The following SPESP1 variants were observed in gnomAD, a reference collection of about 807,000 sequenced individuals.
The protein encoded by SPESP1 is sperm equatorial segment protein 1, also known as equatorial segment protein.
SPESP1 carries 1 observed loss-of-function variant against 3.1 expected under a neutral mutation model. The ratio of observed to expected loss-of-function variants is 0.33; its 90% confidence interval spans 0.12 to 1.54. The LOEUF is 1.54. Ranked by LOEUF, SPESP1 falls within the 40% of genes most tolerant of loss-of-function variation. SPESP1 has a pLI of 0.38. For synonymous variants in SPESP1, 138 were observed against 150.7 expected (o/e 0.92, Z 0.62); for missense variants, 398 against 410.1 (o/e 0.97, Z 0.26).
intron 1 of SPESP1, among the ~76,000 whole-genome samples, chr15:68,938,253 C>T (rs1034232226): frequency 6.6e-6 from 1 of 152,172 alleles, no homozygotes; most frequent in African/African-American, 2.4e-5. Flanking sequence ...CAGGCGTGGG[C>T]CACCAAGCGC....
chr15:68,930,649 C>T lies in SPESP1; in HGVS notation c.-5C>T, dbSNP rs748683191. 6.2e-7 allele frequency: 1 copy of T among 1,613,882 alleles called. No individual in the cohort carries two copies. Among genetic ancestry groups the T allele is most frequent in the Middle Eastern group, 1.7e-4 (1 of 6,058 alleles). On this transcript the variant is annotated 5_prime_UTR_variant, in exon 1 of 2. In the 5' UTR this introduces an upstream ATG that the reference lacks. Coordinates refer to ENST00000310673, the MANE Select transcript of SPESP1 (RefSeq NM_145658.4). ...TCGCATGGCAGAGTGCTACGGACGACGCCTATGAAGCCCTTAGTCCTTCTA... is the reference window on the plus strand; with the variant it reads ...TCGCATGGCAGAGTGCTACGGACGATGCCTATGAAGCCCTTAGTCCTTCTA...
At chr15:68,933,929 A>G (rs1361996974) in intron 1 of SPESP1, among the ~76,000 whole-genome samples, 1 of 151,550 alleles carries the variant, frequency 6.6e-6, no homozygotes, top group East Asian at 1.9e-4. Context: ...AATAATATCA[A>G]CTACTATTAA....
At chr15:68,933,586 C>T (rs894759404) in intron 1 of SPESP1, among the ~76,000 whole-genome samples, 3 of 151,350 alleles carry the variant, frequency 2.0e-5, no homozygotes, top group Non-Finnish European at 2.9e-5. Flanking sequence ...AGGCCGGGCA[C>T]GGTGTCTTAC....
intron 1 of SPESP1, among the ~76,000 whole-genome samples, chr15:68,939,510 G>A (rs1895763840): frequency 6.6e-6 from 1 of 152,188 alleles, no homozygotes; most frequent in African/African-American, 2.4e-5. Flanking sequence ...TTTTTATAAA[G>A]ATCAAATTGA....
chr15:68,943,132 T>G (rs1895871700), intron 1 of SPESP1, among the ~76,000 whole-genome samples: 1 of 151,592 alleles, frequency 6.6e-6, no homozygotes, highest in African/African-American at 2.4e-5. Flanking sequence ...AACATTATAG[T>G]TAAAGTCTAA....
intron 1 of SPESP1, among the ~76,000 whole-genome samples, chr15:68,942,652 T>C (rs1323126479): frequency 6.6e-6 from 1 of 152,190 alleles, no homozygotes; most frequent in Non-Finnish European, 1.5e-5. Flanking sequence ...AGCAGTTACC[T>C]TTATAAAGAA....
chr15:68,943,268 A>G (rs1242184776), intron 1 of SPESP1, among the ~76,000 whole-genome samples: 2 of 152,214 alleles, frequency 1.3e-5, no homozygotes, highest in Non-Finnish European at 2.9e-5. Flanking sequence ...AATATATGAT[A>G]CTATGTGAGT....
At chr15:68,937,040 T>A (rs1385569841) in intron 1 of SPESP1, among the ~76,000 whole-genome samples, 5 of 152,204 alleles carry the variant, frequency 3.3e-5, no homozygotes, top group African/African-American at 1.2e-4. Context: ...ATTTTCTCTG[T>A]AATAATTATT....
chr15:68,935,772 TTA>T, intron 1 of SPESP1, among the ~76,000 whole-genome samples: 1 of 152,246 alleles, frequency 6.6e-6, no homozygotes, highest in East Asian at 1.9e-4. Context: ...TAATAATAAA[TTA>T]TAAGAAAATT....
chr15:68,938,368 G>A (rs1056829996), intron 1 of SPESP1, among the ~76,000 whole-genome samples: 2 of 151,852 alleles, frequency 1.3e-5, no homozygotes, highest in Non-Finnish European at 2.9e-5. Context: ...CTGTGTGAAC[G>A]GGATGTATTT....
At chr15:68,942,150 T>G (rs780299169) in intron 1 of SPESP1, among the ~76,000 whole-genome samples, 2 of 151,524 alleles carry the variant, frequency 1.3e-5, no homozygotes, top group African/African-American at 2.4e-5. Flanking sequence ...TTTTCTGTTA[T>G]GTAAACAACA....
intron 1 of SPESP1, among the ~76,000 whole-genome samples, chr15:68,931,545 G>A (rs1345441250): frequency 1.3e-5 from 2 of 152,192 alleles, no homozygotes; most frequent in Non-Finnish European, 2.9e-5. Flanking sequence ...GAGAGCATGT[G>A]GATTGTGGGT....
chr15:68,937,325 T>C (rs1595717969), intron 1 of SPESP1, among the ~76,000 whole-genome samples: 1 of 152,176 alleles, frequency 6.6e-6, no homozygotes. Flanking sequence ...ATTAGATGTG[T>C]CACAGCTCTC....
chr15:68,935,968 G>A (rs939951788), intron 1 of SPESP1, among the ~76,000 whole-genome samples: 4 of 152,160 alleles, frequency 2.6e-5, no homozygotes, highest in Non-Finnish European at 4.4e-5. Flanking sequence ...TTAACTGGTA[G>A]TTCTTGCATT....
intron 1 of SPESP1, among the ~76,000 whole-genome samples, chr15:68,945,067 C>A (rs1443106329): frequency 6.6e-6 from 1 of 152,072 alleles, no homozygotes; most frequent in Non-Finnish European, 1.5e-5. Context: ...ACCTCACAAG[C>A]ATAGAAAATA....
At chr15:68,944,948 A>G (rs1244071392) in intron 1 of SPESP1, among the ~76,000 whole-genome samples, 1 of 152,166 alleles carries the variant, frequency 6.6e-6, no homozygotes, top group African/African-American at 2.4e-5. Flanking sequence ...TACTCCAACC[A>G]TGGTTGATTT....
chr15:68,941,160 T>C (rs1895812696), intron 1 of SPESP1, among the ~76,000 whole-genome samples: 1 of 152,108 alleles, frequency 6.6e-6, no homozygotes, highest in Non-Finnish European at 1.5e-5. Flanking sequence ...AATAAAATTT[T>C]CTAACTCCAG....
At chr15:68,940,740 C>T (rs576029916) in intron 1 of SPESP1, among the ~76,000 whole-genome samples, 5 of 147,348 alleles carry the variant, frequency 3.4e-5, no homozygotes, top group African/African-American at 1.2e-4. Context: ...GGGAGACCTA[C>T]TGGATTCAGA....
chr15:68,945,527 CAGT>C, intron 1 of SPESP1, 69 bp from the exon 2 acceptor site: 4 of 1,224,894 alleles, frequency 3.3e-6, no homozygotes, highest in Non-Finnish European at 4.3e-6. Context: ...AAATTTTGGT[CAGT>C]AGATTCTGTC....
Sources: gnomAD v4.1 joint callset for allele counts (sites outside exome capture counted in the v4.1 genomes callset) on GRCh38, gnomAD v4.1.1 for gene constraint, MANE v1.5 for transcripts, NCBI Gene and HGNC (gene_info 2026-07-23, HGNC 2026-07-21) for gene names.